Variants in RGS7 observed in about 807,000 individuals in gnomAD.
RGS7 encodes the protein regulator of G protein signaling 7, also known as regulator of G-protein signaling 7.
A neutral mutation model predicts 81.1 loss-of-function variants in RGS7; 27 were observed. The ratio of observed to expected loss-of-function variants is 0.33; its 90% CI spans 0.25 to 0.46. RGS7 has a LOEUF of 0.46. Among genes scored for constraint, RGS7 ranks in the 20% least tolerant of loss-of-function variants. RGS7 has a pLI of 1.00. For missense variants in RGS7, 396 were observed against 607.4 expected (o/e 0.65, Z 3.66); for synonymous variants, 208 against 207.7 (o/e 1.00, Z -0.01).
chr1:241,067,460 A>G (rs1012746626), intron 3 of RGS7, among the ~76,000 whole-genome samples: 1 of 152,068 alleles, frequency 6.6e-6, no homozygotes, highest in South Asian at 2.1e-4. Context: ...CCAGGGCTTT[A>G]AACACCTCTA....
At chr1:240,862,213 A>G (rs1662340160) in intron 9 of RGS7, among the ~76,000 whole-genome samples, 1 of 152,166 alleles carries the variant, frequency 6.6e-6, no homozygotes, top group Non-Finnish European at 1.5e-5. Context: ...AGAGATATTA[A>G]GTACTAGAAT....
chr1:240,890,598 A>C (rs1333752423), intron 6 of RGS7, among the ~76,000 whole-genome samples: 1 of 151,956 alleles, frequency 6.6e-6, no homozygotes, highest in Non-Finnish European at 1.5e-5. Flanking sequence ...AGTAACAGCA[A>C]CAATAATAAT....
intron 3 of RGS7, among the ~76,000 whole-genome samples, chr1:241,034,717 T>C (rs2060244298): frequency 6.6e-6 from 1 of 152,312 alleles, no homozygotes; most frequent in South Asian, 2.1e-4. Context: ...GTGTCATGCA[T>C]GGAGGGGCAA....
At chr1:241,018,133 ATTTT>A (rs34587479) in intron 3 of RGS7, among the ~76,000 whole-genome samples, 2 of 114,414 alleles carry the variant, frequency 1.7e-5, no homozygotes, top group African/African-American at 7.1e-5. Context: ...TGCCCAGCTA[ATTTT>A]TTTTTTTTTT....
At position 241,164,058 on chromosome 1, in the gene RGS7, G is replaced by A. The variant is rs1305120414; in HGVS notation, c.79-65296C>T. Among the ~76,000 whole-genome samples the A allele has an allele frequency of 6.6e-6, 1 of 152,062 alleles. No individual in the cohort carries two copies. The highest frequency in any genetic ancestry group is 2.4e-5 in the African/African-American group (1 of 41,396). ...AGAGATCCCATGATCCCCTGCTTGA[G>A]TTCAATTAATTTGCTAGAGTGGCTT... On this transcript the variant is annotated intron_variant, in intron 2 of 18. Coordinates refer to ENST00000440928, the MANE Select transcript of RGS7 (RefSeq NM_001364886.1). The surrounding 1 kb of genome is among the most constrained non-coding windows in gnomAD (Gnocchi z 4.1).
chr1:241,305,052 A>G (rs570964439), intron 2 of RGS7, among the ~76,000 whole-genome samples: 1 of 152,340 alleles, frequency 6.6e-6, no homozygotes, highest in East Asian at 1.9e-4. Flanking sequence ...TTTTCAGACC[A>G]TCTGTTTTTA....
At chr1:241,334,135 G>C (rs570955701) in intron 2 of RGS7, among the ~76,000 whole-genome samples, 1 of 152,000 alleles carries the variant, frequency 6.6e-6, no homozygotes, top group Non-Finnish European at 1.5e-5. Flanking sequence ...AGGTAAACTA[G>C]ATATTAAAAC....
At chr1:241,169,663 G>A (rs2070579850) in intron 2 of RGS7, among the ~76,000 whole-genome samples, 1 of 151,896 alleles carries the variant, frequency 6.6e-6, no homozygotes. Flanking sequence ...GTTTCTTTAG[G>A]CTATAATTGA....
chr1:241,012,160 G>A (rs2058989503), intron 3 of RGS7, among the ~76,000 whole-genome samples: 1 of 152,154 alleles, frequency 6.6e-6, no homozygotes, highest in African/African-American at 2.4e-5. Flanking sequence ...TATACCCAGA[G>A]AACAGACCGT....
chr1:241,270,873 C>A (rs903972112), intron 2 of RGS7, among the ~76,000 whole-genome samples: 20 of 151,746 alleles, frequency 1.3e-4, no homozygotes, highest in Non-Finnish European at 2.4e-4. Flanking sequence ...ATTCTCCTGC[C>A]TCAGCCTCCC....
rs1690420967 is a variant in RGS7 at position 240,814,367 on chromosome 1, G to A, written c.845+349C>T. On this transcript the variant is annotated intron_variant, in intron 12 of 18. Transcript: ENST00000440928. The stretch of plus-strand genomic sequence containing the variant: ...TTGTCATTGTTAAAATAAGTTTATA[G>A]AGAGGCTCCAGTTTGCCCAAAGGTC... Among the ~76,000 whole-genome samples the A allele has an allele frequency of 1.3e-5, 2 of 152,304 alleles. 1 individual carries two copies. Among genetic ancestry groups the A allele is most frequent in the African/African-American group, 4.8e-5 (2 of 41,570 alleles).
chr1:240,811,382 G>C (rs1401388059), intron 14 of RGS7, among the ~76,000 whole-genome samples: 1 of 152,220 alleles, frequency 6.6e-6, no homozygotes, highest in East Asian at 1.9e-4. Context: ...CAGAATGGGT[G>C]TCACTCTCTC....
intron 16 of RGS7, 112 bp downstream of exon 16, chr1:240,802,792 A>G: frequency 1.3e-6 from 1 of 791,318 alleles, no homozygotes; most frequent in East Asian, 2.4e-5. Flanking sequence ...AGGGTCTTGG[A>G]GTATGTTCAC....
intron 3 of RGS7, among the ~76,000 whole-genome samples, chr1:241,074,247 G>A (rs1017390134): frequency 6.6e-6 from 1 of 152,058 alleles, no homozygotes; most frequent in African/African-American, 2.4e-5. Context: ...CTTTGTTTTG[G>A]TTTATGCCAC....
At chr1:241,020,195 T>A (rs2059469893) in intron 3 of RGS7, among the ~76,000 whole-genome samples, 1 of 152,198 alleles carries the variant, frequency 6.6e-6, no homozygotes, top group Non-Finnish European at 1.5e-5. Context: ...TGGTATGAAG[T>A]AGGGGCTCAG....
At chr1:241,334,771 G>GA (rs923125082) in intron 2 of RGS7, among the ~76,000 whole-genome samples, 2 of 151,578 alleles carry the variant, frequency 1.3e-5, no homozygotes, top group African/African-American at 4.9e-5. Flanking sequence ...AAAAAAAATA[G>GA]AAAAAAAAGA....
intron 3 of RGS7, among the ~76,000 whole-genome samples, chr1:241,075,523 C>T (rs1479139771): frequency 6.6e-6 from 1 of 152,042 alleles, no homozygotes; most frequent in Non-Finnish European, 1.5e-5. Context: ...TTTTGGCTTC[C>T]CTGAGCCACA....
At chr1:241,117,093 T>C (rs548093714) in intron 2 of RGS7, among the ~76,000 whole-genome samples, 2 of 152,266 alleles carry the variant, frequency 1.3e-5, no homozygotes, top group South Asian at 4.1e-4. Flanking sequence ...TGGAAGATTA[T>C]ATTTCAAAAA....
chr1:241,230,371 G>A (rs968208266), intron 2 of RGS7, among the ~76,000 whole-genome samples: 6 of 151,954 alleles, frequency 3.9e-5, no homozygotes, highest in Middle Eastern at 3.2e-3. Flanking sequence ...GTGCCACCAC[G>A]CCTGACTAAT....
Sources: allele counts gnomAD v4.1 joint callset (sites outside exome capture counted in the v4.1 genomes callset), GRCh38; gene constraint gnomAD v4.1.1; non-coding constraint Gnocchi (gnomAD v3.1); transcripts MANE v1.5; gene names NCBI Gene and HGNC (gene_info 2026-07-23, HGNC 2026-07-21).